SLC24A3: variants seen among roughly 807,000 people sequenced by gnomAD.
SLC24A3 encodes the protein solute carrier family 24 member 3.
In SLC24A3, 28 loss-of-function variants were observed where a neutral mutation model predicts 75.8. The ratio of observed to expected loss-of-function variants is 0.37; its 90% CI spans 0.27 to 0.51. The LOEUF is 0.51. Ranked by LOEUF, SLC24A3 falls within the 20% of genes least tolerant of loss-of-function variation. SLC24A3 has a pLI of 0.94. For missense variants in SLC24A3, 663 were observed against 847.8 expected, an observed-to-expected ratio of 0.78 and a Z score of 2.71; for synonymous variants, 372 against 334.1, an observed-to-expected ratio of 1.11 and a Z score of -1.24.
chr20:19,236,154 TG>T (rs1982161207), intron 1 of SLC24A3, among the ~76,000 whole-genome samples: 6 of 152,198 alleles, frequency 3.9e-5, no homozygotes, highest in Admixed American at 2.6e-4. Context: ...TGGTAACATA[TG>T]GGTCTAAATA....
At chr20:19,298,835 AC>A (rs1416468065) in intron 2 of SLC24A3, among the ~76,000 whole-genome samples, 2 of 152,194 alleles carry the variant, frequency 1.3e-5, no homozygotes, top group Admixed American at 6.5e-5. Flanking sequence ...TAGAACACAT[AC>A]CTCAGAGTTC....
intron 3 of SLC24A3, among the ~76,000 whole-genome samples, chr20:19,579,180 G>C (rs968189286): frequency 1.3e-5 from 2 of 152,190 alleles, no homozygotes. Flanking sequence ...CAAAACTGGG[G>C]TCTCCTTAGG....
intron 2 of SLC24A3, among the ~76,000 whole-genome samples, chr20:19,414,892 A>G (rs1986802136): frequency 6.6e-6 from 1 of 152,208 alleles, no homozygotes; most frequent in South Asian, 2.1e-4. Context: ...CCTAAGGCCA[A>G]TTATAATGTT....
Position 19,665,831 on chromosome 20 carries a change from G to GTGTC in SLC24A3, c.688-32_688-31insGTCT, listed in dbSNP as rs398035484. The GTGTC allele has an allele frequency of 5.7e-6, 8 of 1,404,778 alleles. No homozygotes were observed. The African/African-American group carries it at 1.0e-4, about 18-fold the overall frequency. The allele number at this position is 1,404,778 out of a possible 1,614,324, so 87.0% of individuals were successfully genotyped here. A position where few individuals can be genotyped will look rare whatever the true frequency, so the allele number is the denominator to read the frequency against. ...TGTGTGTGTGTGTGTGTGTGTGTGTGTCTAATCTTCTATTCTTTTTATTTT... is the reference window on the plus strand; with the variant it reads ...TGTGTGTGTGTGTGTGTGTGTGTGTGTGTCTCTAATCTTCTATTCTTTTTATTTT... On this transcript the variant is annotated intron_variant, in intron 7 of 16. Coordinates refer to ENST00000328041, the MANE Select transcript of SLC24A3 (RefSeq NM_020689.4).
intron 8 of SLC24A3, among the ~76,000 whole-genome samples, chr20:19,671,032 A>G (rs2032460054): frequency 6.6e-6 from 1 of 152,230 alleles, no homozygotes; most frequent in African/African-American, 2.4e-5. Context: ...AGTAATAAAT[A>G]TATAAACAAG....
At chr20:19,633,783 G>A (rs2031967018) in intron 6 of SLC24A3, among the ~76,000 whole-genome samples, 1 of 151,972 alleles carries the variant, frequency 6.6e-6, no homozygotes, top group South Asian at 2.1e-4. Context: ...TGAGGTTTAG[G>A]ACCACAACTT....
At chr20:19,569,178 G>A (rs1171803219) in intron 3 of SLC24A3, among the ~76,000 whole-genome samples, 1 of 152,164 alleles carries the variant, frequency 6.6e-6, no homozygotes, top group African/African-American at 2.4e-5. Context: ...CAAATCCACA[G>A]GGGATGTAAG....
intron 2 of SLC24A3, among the ~76,000 whole-genome samples, chr20:19,504,188 A>G (rs151197227): frequency 2.2e-3 from 329 of 152,350 alleles, no homozygotes; most frequent in Non-Finnish European, 2.7e-3. Flanking sequence ...GTCGTGGAAT[A>G]ACAACATCAG....
chr20:19,358,287 G>A (rs993484032), intron 2 of SLC24A3, among the ~76,000 whole-genome samples: 5 of 152,172 alleles, frequency 3.3e-5, no homozygotes, highest in African/African-American at 4.8e-5. Context: ...GCAGGCCCCC[G>A]AGGTCTAAGA....
chr20:19,388,475 G>T (rs1180393750), intron 2 of SLC24A3, among the ~76,000 whole-genome samples: 1 of 152,174 alleles, frequency 6.6e-6, no homozygotes, highest in African/African-American at 2.4e-5. Context: ...ACTTTGGGAG[G>T]CCAAGGCAGG....
intron 1 of SLC24A3, among the ~76,000 whole-genome samples, chr20:19,219,005 T>C (rs986735794): frequency 2.6e-5 from 4 of 152,204 alleles, no homozygotes; most frequent in Non-Finnish European, 5.9e-5. Context: ...ATTTTTGCCT[T>C]CTTTTTCTAT....
intron 6 of SLC24A3, among the ~76,000 whole-genome samples, chr20:19,629,698 C>G (rs1197930379): frequency 1.3e-5 from 2 of 152,128 alleles, no homozygotes; most frequent in Non-Finnish European, 2.9e-5. Context: ...ATAAGATTAT[C>G]AATGGATTTC....
At chr20:19,449,885 A>G (rs1228644080) in intron 2 of SLC24A3, among the ~76,000 whole-genome samples, 1 of 152,256 alleles carries the variant, frequency 6.6e-6, no homozygotes, top group Non-Finnish European at 1.5e-5. Context: ...AGAAAGGAGC[A>G]TTAAGTAGAA....
chr20:19,284,792 A>G (rs2122228451), intron 2 of SLC24A3, among the ~76,000 whole-genome samples: 1 of 152,296 alleles, frequency 6.6e-6, no homozygotes, highest in Middle Eastern at 3.4e-3. Context: ...TTCTGGTTAT[A>G]TTCCCTGTTG....
At chr20:19,627,875 C>T (rs1263431620) in intron 6 of SLC24A3, among the ~76,000 whole-genome samples, 1 of 151,800 alleles carries the variant, frequency 6.6e-6, no homozygotes, top group East Asian at 1.9e-4. Context: ...GAAGTAATTT[C>T]GAGGAAAATG....
intron 1 of SLC24A3, chr20:19,242,676 A>G (rs1017122874): frequency 6.6e-6 from 1 of 152,246 alleles, no homozygotes; most frequent in Non-Finnish European, 1.5e-5. Context: ...TGAATGAGGA[A>G]ACTGGTAAGA....
chr20:19,242,669 A>G (rs1456113832), intron 1 of SLC24A3: 2 of 152,232 alleles, frequency 1.3e-5, no homozygotes, highest in African/African-American at 4.8e-5. Context: ...CTCATTATGA[A>G]TGAGGAAACT....
chr20:19,243,995 G>A (rs573317455), intron 1 of SLC24A3: 2 of 152,304 alleles, frequency 1.3e-5, no homozygotes, highest in East Asian at 3.9e-4. Context: ...TGGCTGAAAT[G>A]TAGATAATCA....
chr20:19,616,392 G>A (rs1015792032), intron 6 of SLC24A3, among the ~76,000 whole-genome samples: 4 of 152,228 alleles, frequency 2.6e-5, no homozygotes, highest in African/African-American at 9.6e-5. Context: ...CCTGCCACGT[G>A]TGCTTTACAG....
Sources: allele counts gnomAD v4.1 joint callset (sites outside exome capture counted in the v4.1 genomes callset), GRCh38; gene constraint gnomAD v4.1.1; transcripts MANE v1.5; gene names NCBI Gene and HGNC (gene_info 2026-07-23, HGNC 2026-07-21).